The following SOX13 variants were observed in gnomAD, a reference collection of about 807,000 sequenced individuals.
The protein encoded by SOX13 is SRY-box transcription factor 13, also known as transcription factor SOX-13.
SOX13 carries 28 observed loss-of-function variants against 71.8 expected under a neutral mutation model. The ratio of observed to expected loss-of-function variants is 0.39; its 90% confidence interval spans 0.29 to 0.53. The LOEUF (loss-of-function observed/expected upper bound fraction) is 0.53. Ranked by LOEUF, SOX13 falls within the 20% of genes least tolerant of loss-of-function variation. The pLI is 0.70. For synonymous variants in SOX13, 309 were observed against 317.8 expected, an observed-to-expected ratio of 0.97 and a Z score of 0.29; for missense variants, 627 against 810.3, an observed-to-expected ratio of 0.77 and a Z score of 2.75.
intron 1 of SOX13, among the ~76,000 whole-genome samples, chr1:204,084,125 CA>C (rs564672849): frequency 4.5e-4 from 68 of 152,234 alleles, no homozygotes; most frequent in Middle Eastern, 3.4e-3. Flanking sequence ...ACAAGGTGGC[CA>C]GGGGCTCCCA....
At chr1:204,112,501 GCACACACACA>G (rs6143576) in intron 1 of SOX13, among the ~76,000 whole-genome samples, 2 of 57,920 alleles carry the variant, frequency 3.5e-5, no homozygotes, top group African/African-American at 7.9e-5. Context: ...ACACATGCGT[GCACACACACA>G]CACACACACA....
In SOX13 at chr1:204,112,516, C is replaced by CAT. The variant is rs1233381971; in HGVS notation, c.-1-398_-1-397insTA. On this transcript the variant is annotated intron_variant, in intron 1 of 13. Coordinates refer to ENST00000367204, the MANE Select transcript of SOX13 (RefSeq NM_005686.3). ...ACACATGCGTGCACACACACACACACACACACACACACTTTCTCTCTCTCG... is the reference window on the plus strand; with the variant it reads ...ACACATGCGTGCACACACACACACACATACACACACACACTTTCTCTCTCTCG... 2.6e-5 allele frequency among the ~76,000 whole-genome samples: 3 copies of CAT among 115,622 alleles called. No individual in the cohort carries two copies. In the Admixed American group the frequency reaches 3.0e-4, roughly 12 times the overall value. 75.9% of individuals were successfully genotyped at this position (115,622 alleles called of 152,430 possible).
In SOX13 at chr1:204,123,033, G is replaced by A. The variant is rs760313; in HGVS notation, c.1134+70G>A. The A allele has an allele frequency of 6.6e-7, 1 of 1,512,060 alleles. No individual in the cohort carries two copies. The highest frequency in any genetic ancestry group is 9.2e-7 in the Non-Finnish European group (1 of 1,091,346). The allele number at this position is 1,512,060 out of a possible 1,614,324, so 93.7% of individuals were successfully genotyped here. ...TGGCCAGGAGTGGAAGACACAGTCTGAGGCCACCAAGAGAGGAGCATGGGG... is the reference window on the plus strand; with the variant it reads ...TGGCCAGGAGTGGAAGACACAGTCTAAGGCCACCAAGAGAGGAGCATGGGG... On this transcript the variant is annotated intron_variant, in intron 10 of 13. Transcript: ENST00000367204. This position sits in a 1 kb window ranked among gnomAD's most constrained non-coding sequence, Gnocchi z 5.0.
intron 8 of SOX13, 28 bp from the exon 9 acceptor site, chr1:204,122,209 A>G (rs1571594914): frequency 3.9e-6 from 6 of 1,537,538 alleles, no homozygotes; most frequent in Admixed American, 2.1e-5. Flanking sequence ...GGTGTCTGTC[A>G]TCCTCTGACC....
intron 7 of SOX13, 51 bp from the exon 8 acceptor site, chr1:204,121,835 GTCAAGCAGGGTGTC>G: frequency 8.5e-7 from 1 of 1,171,018 alleles, no homozygotes; most frequent in Non-Finnish European, 1.3e-6. Flanking sequence ...CTGGGACCTC[GTCAAGCAGGGTGTC>G]TGCTGTTCTG....
chr1:204,095,136 G>C (rs1428845348), intron 1 of SOX13, among the ~76,000 whole-genome samples: 1 of 152,188 alleles, frequency 6.6e-6, no homozygotes, highest in Non-Finnish European at 1.5e-5. Context: ...AAGTCTCCCA[G>C]GGTTGTACGG....
intron 9 of SOX13, 72 bp from the exon 10 acceptor site, chr1:204,122,781 GT>G: frequency 1.1e-6 from 1 of 922,994 alleles, no homozygotes; most frequent in East Asian, 2.7e-5. Context: ...AGCTGATGGA[GT>G]TTGGGCTCAT....
At chr1:204,074,344 C>A in intron 1 of SOX13, 1 of 147,610 alleles carries the variant, frequency 6.8e-6, no homozygotes, top group South Asian at 2.1e-4. Context: ...ACCCCCACCG[C>A]AGGCTGCTTC....
chr1:204,122,593 G>A (rs1005641660), intron 9 of SOX13, 194 bp downstream of exon 9: 2 of 607,078 alleles, frequency 3.3e-6, no homozygotes, highest in African/African-American at 3.7e-5. Flanking sequence ...CAAGCATCAG[G>A]GATTCAGGCC....
chr1:204,117,801 T>C (rs1656725524), intron 7 of SOX13, 94 bp downstream of exon 7: 4 of 773,086 alleles, frequency 5.2e-6, no homozygotes, highest in African/African-American at 3.4e-5. Flanking sequence ...TAATTTGCTA[T>C]GTGGACTTTC....
rs544550219 is a variant in SOX13 at position 204,117,682 on chromosome 1, C to T, written c.750C>T (p.Pro250=). The T allele has an allele frequency of 6.2e-7, 1 of 1,613,114 alleles. No individual in the cohort carries two copies. Among genetic ancestry groups the T allele is most frequent in the East Asian group, 2.2e-5 (1 of 44,870 alleles). ...PVTPDSQLAL[P]IQPIPCKPVE... ...CCCCTGACTCCCAGCTGGCCTTACC[C>T]ATTCAGCCCATTCCCTGCAAACCAG... Residue 250 remains proline, a synonymous_variant, in exon 7 of 14, where the codon CCC becomes CCT. Coordinates refer to ENST00000367204, the MANE Select transcript of SOX13 (RefSeq NM_005686.3).
At chr1:204,120,866 A>G (rs953046145) in intron 7 of SOX13, among the ~76,000 whole-genome samples, 2 of 152,144 alleles carry the variant, frequency 1.3e-5, no homozygotes, top group African/African-American at 4.8e-5. Flanking sequence ...AGAAGAAGGA[A>G]AGGCTGTGGA....
rs3753269 is a variant in SOX13, at chr1:204,111,669, C to T, written c.-1-1246C>T. Among the ~76,000 whole-genome samples the T allele has an allele frequency of 6.8e-4, 103 of 152,202 alleles. 1 individual carries two copies. The East Asian group carries it at 0.019, about 27-fold the overall frequency. On this transcript the variant is annotated intron_variant, in intron 1 of 13. Transcript: ENST00000367204. ...TAGCTAGATACCGGAAAATATTTTT[C>T]GTAAAGCCAATCATCTCAGTCTGTT...
intron 1 of SOX13, among the ~76,000 whole-genome samples, chr1:204,093,947 G>C (rs1198699657): frequency 6.6e-6 from 1 of 152,140 alleles, no homozygotes; most frequent in Non-Finnish European, 1.5e-5. Flanking sequence ...TCAAAGGCCT[G>C]GGAGCCCTCC....
At chr1:204,117,355 C>T (rs1488489517) in intron 6 of SOX13, among the ~76,000 whole-genome samples, 165 bp downstream of exon 6, 2 of 152,182 alleles carry the variant, frequency 1.3e-5, no homozygotes. Context: ...CCCAACCTGT[C>T]TTCCTTCCCT....
chr1:204,077,020 A>C (rs1231706501), intron 1 of SOX13, among the ~76,000 whole-genome samples: 1 of 152,254 alleles, frequency 6.6e-6, no homozygotes, highest in Non-Finnish European at 1.5e-5. Flanking sequence ...GTGATGTGAT[A>C]GAAAACATAT....
rs887605008 is a variant in SOX13 at position 204,096,737 on chromosome 1, A to G, written c.-1-16178A>G. ...GCTAATTTTTGTATTTTCTGTAGAG[A>G]TGAGGTTTTTCCATGTTGCCCAGGC... is the stretch of plus-strand genomic sequence containing the variant. On this transcript the variant is annotated intron_variant, in intron 1 of 13. Coordinates refer to ENST00000367204, the MANE Select transcript of SOX13 (RefSeq NM_005686.3). Among the ~76,000 whole-genome samples the G allele has an allele frequency of 2.6e-5, 4 of 152,058 alleles. No homozygotes were observed. In the East Asian group the frequency reaches 7.7e-4, roughly 29 times the overall value.
At position 204,123,822 on chromosome 1, in the gene SOX13, G is replaced by A; in HGVS notation, c.1375+18G>A. 1.9e-6 allele frequency: 3 copies of A among 1,613,720 alleles called. No individual in the cohort carries two copies. Among genetic ancestry groups the A allele is most frequent in the Non-Finnish European group, 2.5e-6 (3 of 1,179,758 alleles). ...GATCCTTGGTAAGGGCCAGTGGCTG[G>A]GGCCATGGTTCAGTGTGACCTGGTT... On this transcript the variant is annotated intron_variant, in intron 12 of 13. Coordinates refer to ENST00000367204, the MANE Select transcript of SOX13 (RefSeq NM_005686.3). The surrounding 1 kb of genome is among the most constrained non-coding windows in gnomAD (Gnocchi z 5.0).
rs377537943 is a variant in SOX13 at position 204,124,863 on chromosome 1, C to T, written c.1592+6C>T. 8.0e-5 allele frequency: 124 copies of T among 1,554,244 alleles called. 1 individual carries two copies. The African/African-American group carries it at 1.3e-3, about 17-fold the overall frequency. On this transcript the variant is annotated splice_donor_region_variant and intron_variant, in intron 13 of 13. Coordinates refer to ENST00000367204, the MANE Select transcript of SOX13 (RefSeq NM_005686.3). ...CGCCAGAGCTACGTGATCCCGTGAGCAGGCCCCCCCGCAGGCAGCCAGGAG... is the reference window on the plus strand; with the variant it reads ...CGCCAGAGCTACGTGATCCCGTGAGTAGGCCCCCCCGCAGGCAGCCAGGAG...
Sources: gnomAD v4.1 joint callset for allele counts (sites outside exome capture counted in the v4.1 genomes callset) on GRCh38, gnomAD v4.1.1 for gene constraint, Gnocchi (gnomAD v3.1) non-coding constraint, MANE v1.5 for transcripts, NCBI Gene and HGNC (gene_info 2026-07-23, HGNC 2026-07-21) for gene names.